Variants in DHTKD1 observed in about 807,000 individuals in gnomAD.
The protein encoded by DHTKD1 is 2-oxoadipate dehydrogenase complex component E1.
DHTKD1 carries 78 observed loss-of-function variants against 101.8 expected under a neutral mutation model. That is an observed-to-expected ratio of 0.77 (90% CI 0.64 to 0.93). DHTKD1 has a LOEUF of 0.93. Ranked by LOEUF, DHTKD1 falls within the 40% of genes least tolerant of loss-of-function variation. The probability of loss-of-function intolerance (pLI) is 0.00; values close to 1 mark genes in which losing one functional copy is unlikely to be tolerated. For missense variants in DHTKD1, 1,223 were observed against 1,161.7 expected (o/e 1.05, Z -0.77); for synonymous variants, 462 against 450.3 (o/e 1.03, Z -0.33).
In DHTKD1 at chr10:12,087,272, C is replaced by T. The variant is rs886448939; in HGVS notation, c.523-263C>T. On this transcript the variant is annotated intron_variant, in intron 3 of 16. Coordinates refer to ENST00000263035, the MANE Select transcript of DHTKD1 (RefSeq NM_018706.7). This position sits in a 1 kb window ranked among gnomAD's most constrained non-coding sequence, Gnocchi z 5.2. ...AGGCCTGGATTCCAGTCCAGAAGAA[C>T]ACACATTCTAAGGGGGTTTCCTTGG... is the stretch of plus-strand genomic sequence containing the variant. Among the ~76,000 whole-genome samples, 1 of 152,150 alleles carries T rather than the reference C, an allele frequency of 6.6e-6. No individual in the cohort carries two copies. The highest frequency in any genetic ancestry group is 2.4e-5 in the African/African-American group (1 of 41,442).
At chr10:12,119,823 T>TA (rs1833496107) in intron 15 of DHTKD1, among the ~76,000 whole-genome samples, 1 of 151,506 alleles carries the variant, frequency 6.6e-6, no homozygotes, top group African/African-American at 2.4e-5. Context: ...CCCCAGAACT[T>TA]AAAAAAGAAA....
At chr10:12,069,310 G>A (rs1832614268) in intron 1 of DHTKD1, 123 bp downstream of exon 1, 1 of 475,256 alleles carries the variant, frequency 2.1e-6, no homozygotes, top group Admixed American at 3.5e-5. Context: ...GGCCGGTGGG[G>A]AGGAGGGGGA....
At chr10:12,119,699 A>G (rs1029382538) in intron 15 of DHTKD1, among the ~76,000 whole-genome samples, 1 of 151,968 alleles carries the variant, frequency 6.6e-6, no homozygotes, top group Non-Finnish European at 1.5e-5. Flanking sequence ...GGAGAGCATC[A>G]GGCAGAACAG....
At chr10:12,115,182 C>T (rs371591142) in intron 13 of DHTKD1, among the ~76,000 whole-genome samples, 3 of 152,066 alleles carry the variant, frequency 2.0e-5, no homozygotes, top group African/African-American at 4.8e-5. Flanking sequence ...CTGCAAACTC[C>T]GCCTCCCAGG....
intron 12 of DHTKD1, among the ~76,000 whole-genome samples, chr10:12,111,629 T>G (rs1180742883): frequency 1.3e-5 from 2 of 152,122 alleles, no homozygotes; most frequent in Non-Finnish European, 2.9e-5. Context: ...TAAATTAGCT[T>G]TAGACAGCAG....
At chr10:12,086,545 G>T (rs535078741) in intron 3 of DHTKD1, among the ~76,000 whole-genome samples, 21 of 151,908 alleles carry the variant, frequency 1.4e-4, no homozygotes, top group Middle Eastern at 3.4e-3. Flanking sequence ...GGATGGTCTC[G>T]ATCTCCTGAC....
rs1048291345 is a variant in DHTKD1, at chr10:12,103,265, G to A, written c.1896+2084G>A. 2.6e-5 allele frequency among the ~76,000 whole-genome samples: 4 copies of A among 152,106 alleles called. No individual in the cohort carries two copies. Among genetic ancestry groups the A allele is most frequent in the African/African-American group, 9.7e-5 (4 of 41,426 alleles). ...TATTATTTAATACCATGTCCTCTAT[G>A]TGAAGACCCTGGGAGAAACTCCTGC... On this transcript the variant is annotated intron_variant, in intron 10 of 16. Transcript: ENST00000263035. This position sits in a 1 kb window ranked among gnomAD's most constrained non-coding sequence, Gnocchi z 4.8.
rs1564390079 is a variant in DHTKD1, at chr10:12,084,591, A to G, written c.362A>G (p.Tyr121Cys). ...EEASLEEVLVYLNQIYCGQIS... is the reference protein window; with the variant it reads ...EEASLEEVLVCLNQIYCGQIS... ...GCCTCACTTGAGGAAGTGTTAGTCT[A>G]TCTCAATCAAATCTACTGTGGGCAG... Residue 121 changes from tyrosine (Y) to cysteine (C), a missense_variant, in exon 3 of 17, where the codon TAT becomes TGT. Coordinates refer to ENST00000263035, the MANE Select transcript of DHTKD1 (RefSeq NM_018706.7). 6.2e-7 allele frequency: 1 copy of G among 1,613,690 alleles called. No individual in the cohort carries two copies. Among genetic ancestry groups the G allele is most frequent in the Non-Finnish European group, 8.5e-7 (1 of 1,179,576 alleles).
intron 7 of DHTKD1, among the ~76,000 whole-genome samples, chr10:12,094,903 A>G (rs961155100): frequency 6.6e-6 from 1 of 150,828 alleles, no homozygotes; most frequent in Non-Finnish European, 1.5e-5. Context: ...AGCCTCCCAA[A>G]GTGCTAGGAT....
rs1249148558 is a variant in DHTKD1 at position 12,110,222 on chromosome 10, T to C, written c.2154+2207T>C. Among the ~76,000 whole-genome samples, 2 of 152,182 alleles carry C rather than the reference T, an allele frequency of 1.3e-5. No homozygotes were observed. Among genetic ancestry groups the C allele is most frequent in the East Asian group, 1.9e-4 (1 of 5,190 alleles). On this transcript the variant is annotated intron_variant, in intron 12 of 16. Coordinates refer to ENST00000263035, the MANE Select transcript of DHTKD1 (RefSeq NM_018706.7). This position sits in a 1 kb window ranked among gnomAD's most constrained non-coding sequence, Gnocchi z 4.9. ...CTGAGGCAGGGGAATGGTGTGAACC[T>C]GGGAGGCGGAGCTTGCAGTGAGCTG... is the stretch of plus-strand genomic sequence containing the variant.
In DHTKD1 at chr10:12,087,297, G is replaced by T. The variant is rs1588607309; in HGVS notation, c.523-238G>T. On this transcript the variant is annotated intron_variant, in intron 3 of 16. Transcript: ENST00000263035. The surrounding 1 kb of genome is among the most constrained non-coding windows in gnomAD (Gnocchi z 5.2). The stretch of plus-strand genomic sequence containing the variant: ...CACACATTCTAAGGGGGTTTCCTTG[G>T]GGTGAGTTATTCTGCCGCTCAGGTT... Among the ~76,000 whole-genome samples the T allele has an allele frequency of 6.6e-6, 1 of 152,052 alleles. No homozygotes were observed. The highest frequency in any genetic ancestry group is 2.4e-5 in the African/African-American group (1 of 41,408).
At position 12,120,817 on chromosome 10, in the gene DHTKD1, G is replaced by A. The variant is rs149672309; in HGVS notation, c.2689G>A (p.Val897Ile). The A allele has an allele frequency of 1.2e-5, 19 of 1,613,980 alleles. No homozygotes were observed. The African/African-American group carries it at 2.4e-4, about 20-fold the overall frequency. The part of the protein sequence containing the change: ...LRLVGRPPLP[V>I]PAVGIGTVHL... ...TCTGGTGGGCCGGCCCCCTTTGCCA[G>A]TACCCGCTGTAGGAATTGGCACAGT... is the stretch of plus-strand genomic sequence containing the variant. Residue 897 changes from valine to isoleucine, a missense_variant, in exon 17 of 17, where the codon GTA becomes ATA. Transcript: ENST00000263035.
intron 1 of DHTKD1, among the ~76,000 whole-genome samples, chr10:12,077,162 T>A (rs1412650877): frequency 2.0e-5 from 3 of 150,674 alleles, no homozygotes; most frequent in Non-Finnish European, 4.4e-5. Flanking sequence ...AAACTACTCA[T>A]ATGTACATAC....
chr10:12,085,051 C>A (rs969764362), intron 3 of DHTKD1, among the ~76,000 whole-genome samples: 1 of 149,482 alleles, frequency 6.7e-6, no homozygotes, highest in African/African-American at 2.5e-5. Context: ...AACACCTTCT[C>A]AAAAAAAAAG....
intron 2 of DHTKD1, among the ~76,000 whole-genome samples, chr10:12,082,521 G>A (rs1039075261): frequency 4.6e-5 from 7 of 152,036 alleles, no homozygotes; most frequent in African/African-American, 1.4e-4. Flanking sequence ...ACCCCAAGAC[G>A]TAATGGCATT....
intron 12 of DHTKD1, among the ~76,000 whole-genome samples, chr10:12,111,935 T>C (rs1332400775): frequency 1.3e-5 from 2 of 152,146 alleles, no homozygotes; most frequent in East Asian, 3.9e-4. Flanking sequence ...TCTGCAGACA[T>C]GGAACAGGCA....
intron 10 of DHTKD1, among the ~76,000 whole-genome samples, chr10:12,104,109 C>T (rs557988731): frequency 1.0e-3 from 153 of 152,282 alleles, no homozygotes; most frequent in Non-Finnish European, 1.7e-3. Flanking sequence ...AACATGTGGC[C>T]TTTTGGGACT....
At chr10:12,080,711 A>T (rs1588603594) in intron 1 of DHTKD1, among the ~76,000 whole-genome samples, 1 of 43,226 alleles carries the variant, frequency 2.3e-5, no homozygotes, top group African/African-American at 4.3e-5. Context: ...ACAATGTCTG[A>T]AAAAAAAAAA....
In DHTKD1 at chr10:12,112,901, T is replaced by G. The variant is rs747421793; in HGVS notation, c.2156T>G (p.Met719Arg). The G allele has an allele frequency of 8.1e-6, 13 of 1,601,354 alleles. No homozygotes were observed. Among genetic ancestry groups the G allele is most frequent in the Admixed American group, 3.5e-5 (2 of 57,502 alleles). Residue 719 changes from methionine (M) to arginine (R), a missense_variant and splice_region_variant, in exon 13 of 17, where the codon ATG (methionine) becomes AGG (arginine). Met to Arg is a moderately conservative substitution (Grantham distance 91). Transcript: ENST00000263035. ...SSCRIERFLQ[M>R]CDSAEEGVDG... ...CCTTTCTTGCCACTTCTCTCCCAGA[T>G]GTGTGACAGTGCGGAAGAGGGGGTG...
Sources: allele counts gnomAD v4.1 joint callset (sites outside exome capture counted in the v4.1 genomes callset), GRCh38; gene constraint gnomAD v4.1.1; non-coding constraint Gnocchi (gnomAD v3.1); transcripts MANE v1.5; gene names NCBI Gene and HGNC (gene_info 2026-07-23, HGNC 2026-07-21).